Variants in QSER1 observed in about 807,000 individuals in gnomAD.
The protein encoded by QSER1 is glutamine and serine-rich protein 1.
A neutral mutation model predicts 158.5 loss-of-function variants in QSER1; 49 were observed. That is an observed-to-expected ratio of 0.31 (90% CI 0.25 to 0.39). QSER1 has a LOEUF of 0.39. QSER1 is among the 10% of genes least tolerant of loss of function. The pLI, the probability that QSER1 is intolerant of heterozygous loss-of-function variation, is 1.00. For missense variants in QSER1, 1,754 were observed against 2,010.3 expected (o/e 0.87, Z 2.44); for synonymous variants, 650 against 715.5 (o/e 0.91, Z 1.46).
intron 4 of QSER1, among the ~76,000 whole-genome samples, chr11:32,942,556 T>G (rs1233224998): frequency 1.3e-5 from 2 of 152,078 alleles, no homozygotes; most frequent in Non-Finnish European, 2.9e-5. Flanking sequence ...TGTGCGGCAT[T>G]ATTTCTGAGG....
chr11:32,973,916 C>T (rs972618927), intron 11 of QSER1, among the ~76,000 whole-genome samples: 4 of 152,130 alleles, frequency 2.6e-5, no homozygotes, highest in Non-Finnish European at 4.4e-5. Context: ...AACTCATTAA[C>T]ATATGCATTA....
rs752105214 is a variant in QSER1, at chr11:32,978,461, G to A, written c.*1987G>A. ...TCTTTATATTACTCTTCCAGCCTAC[G>A]TTCCTAAATCATTGATAATTTAAAT... On this transcript the variant is annotated 3_prime_UTR_variant, in exon 13 of 13. Transcript: ENST00000650167. 4.6e-5 allele frequency: 7 copies of A among 152,162 alleles called. No individual in the cohort carries two copies. Among genetic ancestry groups the A allele is most frequent in the Admixed American group, 6.5e-5 (1 of 15,270 alleles). 9.4% of individuals were successfully genotyped at this position (152,162 alleles called of 1,614,324 possible).
rs1292725277 is a variant in QSER1, at chr11:32,942,373, G to A, written c.4177+6938G>A. Among the ~76,000 whole-genome samples, 677 of 145,654 alleles carry A rather than the reference G, an allele frequency of 4.6e-3. 2 individuals carry two copies. Among genetic ancestry groups the A allele is most frequent in the Non-Finnish European group, 6.8e-3 (450 of 66,552 alleles). Reference sequence around the variant, plus strand: ...CGGTTTTTATGGTTTTAGGTCTAACGTTTAAGTCTTTAATCCATCTTGAAT... The same window carrying A: ...CGGTTTTTATGGTTTTAGGTCTAACATTTAAGTCTTTAATCCATCTTGAAT... On this transcript the variant is annotated intron_variant, in intron 4 of 12. Transcript: ENST00000650167.
At chr11:32,939,480 G>T (rs1484713186) in intron 4 of QSER1, among the ~76,000 whole-genome samples, 7 of 152,120 alleles carry the variant, frequency 4.6e-5, no homozygotes, top group African/African-American at 1.7e-4. Context: ...ATTCTGGGAT[G>T]TTCTGGGTCT....
At position 32,969,094 on chromosome 11, in the gene QSER1, AT is replaced by A; in HGVS notation, c.5157del (p.Asp1719GlufsTer8). On this transcript the variant is annotated frameshift_variant, in exon 10 of 13. Coordinates refer to ENST00000650167, the MANE Select transcript of QSER1 (RefSeq NM_001076786.3). LOFTEE classifies it high-confidence loss of function. The stretch of plus-strand genomic sequence containing the variant: ...AAAAAAATAGATGGCATGCTAAATG[AT>A]AACCGAAAGAGACTTCTTTTGAATC... ...HMKKIDGMLN[D>X]NRKRLLLNLH... The A allele has an allele frequency of 6.3e-7, 1 of 1,599,894 alleles. No individual in the cohort carries two copies. Among genetic ancestry groups the A allele is most frequent in the Non-Finnish European group, 8.5e-7 (1 of 1,173,984 alleles).
chr11:32,969,278 A>C, intron 10 of QSER1, 135 bp downstream of exon 10: 1 of 606,454 alleles, frequency 1.6e-6, no homozygotes, highest in Non-Finnish European at 2.8e-6. Flanking sequence ...ATTCATTGTA[A>C]GTCCATTTAG....
chr11:32,900,561 A>G (rs1851611820), intron 1 of QSER1, among the ~76,000 whole-genome samples: 1 of 152,018 alleles, frequency 6.6e-6, no homozygotes, highest in Non-Finnish European at 1.5e-5. Flanking sequence ...TCCATCTTAA[A>G]AAAAAAAAAA....
chr11:32,965,196 C>T (rs760115765), intron 8 of QSER1, among the ~76,000 whole-genome samples: 1 of 152,034 alleles, frequency 6.6e-6, no homozygotes, highest in East Asian at 1.9e-4. Flanking sequence ...TCTGCAGTCT[C>T]AACCTCCGGG....
At chr11:32,936,259 A>G (rs542021256) in intron 4 of QSER1, among the ~76,000 whole-genome samples, 31 of 141,702 alleles carry the variant, frequency 2.2e-4, no homozygotes, top group African/African-American at 7.4e-4. Context: ...TCATTGTTCA[A>G]TTCCCACCTG....
chr11:32,912,086 C>G (rs1851773841), intron 1 of QSER1, among the ~76,000 whole-genome samples: 1 of 152,198 alleles, frequency 6.6e-6, no homozygotes, highest in South Asian at 2.1e-4. Flanking sequence ...ACTTCCATGA[C>G]TTCAAAAAAC....
chr11:32,903,812 G>C (rs981108795), intron 1 of QSER1, among the ~76,000 whole-genome samples: 2 of 152,078 alleles, frequency 1.3e-5, no homozygotes, highest in African/African-American at 2.4e-5. Context: ...GTGTTTCACT[G>C]TGTTGGGCAG....
At chr11:32,928,496 A>G (rs1006929661) in intron 3 of QSER1, among the ~76,000 whole-genome samples, 4 of 152,194 alleles carry the variant, frequency 2.6e-5, no homozygotes, top group African/African-American at 9.6e-5. Flanking sequence ...GACTCATTTC[A>G]TTGTTAGTTT....
Position 32,933,929 on chromosome 11 carries a change from C to T in QSER1, c.2671C>T (p.Gln891Ter). 1 of 1,613,994 alleles carries T rather than the reference C, an allele frequency of 6.2e-7. No individual in the cohort carries two copies. The highest frequency in any genetic ancestry group is 8.5e-7 in the Non-Finnish European group (1 of 1,179,950). Residue 891 changes from glutamine to a stop codon, truncating the protein, a stop_gained, in exon 4 of 13, where the codon CAA becomes TAA. Transcript: ENST00000650167. LOFTEE classifies it high-confidence loss of function. The stretch of plus-strand genomic sequence containing the variant: ...AGCACAGCGTGTTCAAAGCCCTCAA[C>T]AAATAGTACATCCCTTCCTTCAGAT... The part of the protein sequence containing the change: ...LQAQRVQSPQ[Q>*]IVHPFLQMEG...
Position 32,935,134 on chromosome 11 carries a change from G to A in QSER1, c.3876G>A (p.Gln1292=), listed in dbSNP as rs764338846. The change falls in exon 4 of 13, where the codon CAG becomes CAA. Residue 1292 remains glutamine, a synonymous_variant. Transcript: ENST00000650167. ...FLDFLKSGPK[Q]QFSTLAVRMP... ...ATTTTCTGAAATCCGGGCCCAAGCA[G>A]CAGTTTTCCACTCTTGCTGTACGAA... 6.2e-7 allele frequency: 1 copy of A among 1,614,072 alleles called. No individual in the cohort carries two copies. The highest frequency in any genetic ancestry group is 1.1e-5 in the South Asian group (1 of 91,078).
chr11:32,926,393 G>C (rs1230019585), intron 1 of QSER1, among the ~76,000 whole-genome samples: 1 of 152,084 alleles, frequency 6.6e-6, no homozygotes, highest in Non-Finnish European at 1.5e-5. Flanking sequence ...ATTCCTATGA[G>C]ATGCAACTGA....
intron 3 of QSER1, among the ~76,000 whole-genome samples, chr11:32,931,455 G>T (rs768206560): frequency 6.6e-6 from 1 of 151,918 alleles, no homozygotes; most frequent in East Asian, 1.9e-4. Flanking sequence ...GTATGCGCCT[G>T]TAGTCTCAGC....
At chr11:32,899,613 C>G (rs1206947746) in intron 1 of QSER1, among the ~76,000 whole-genome samples, 7 of 152,042 alleles carry the variant, frequency 4.6e-5, no homozygotes, top group Non-Finnish European at 1.0e-4. Flanking sequence ...TAGTGGCCAT[C>G]TCTCAGTTTC....
intron 4 of QSER1, among the ~76,000 whole-genome samples, chr11:32,952,039 C>T (rs1044581726): frequency 2.0e-5 from 3 of 151,894 alleles, no homozygotes; most frequent in Non-Finnish European, 2.9e-5. Flanking sequence ...GGGGTTTCAC[C>T]ATGTTGGCCA....
At chr11:32,935,964 A>G (rs1234460046) in intron 4 of QSER1, among the ~76,000 whole-genome samples, 3 of 152,304 alleles carry the variant, frequency 2.0e-5, no homozygotes, top group Admixed American at 1.3e-4. Context: ...TAAAAATTTT[A>G]TGCTGGCTTC....
Sources: allele counts gnomAD v4.1 joint callset (sites outside exome capture counted in the v4.1 genomes callset), GRCh38; gene constraint gnomAD v4.1.1; transcripts MANE v1.5; gene names NCBI Gene and HGNC (gene_info 2026-07-23, HGNC 2026-07-21).